Variants in USP6NL observed in about 807,000 individuals in gnomAD.
USP6NL encodes the protein USP6 N-terminal-like protein.
A neutral mutation model predicts 61.9 loss-of-function variants in USP6NL; 26 were observed. That is an observed-to-expected ratio of 0.42 (90% CI 0.31 to 0.58). USP6NL has a LOEUF of 0.58. Ranked by LOEUF, USP6NL falls within the 20% of genes least tolerant of loss-of-function variation. The pLI, the probability that USP6NL is intolerant of heterozygous loss-of-function variation, is 0.16. For missense variants in USP6NL, 1,114 were observed against 1,034.3 expected, an observed-to-expected ratio of 1.08 and a Z score of -1.06; for synonymous variants, 432 against 390.1, an observed-to-expected ratio of 1.11 and a Z score of -1.27.
chr10:11,499,460 C>T lies in USP6NL; in HGVS notation c.384+1641G>A, dbSNP rs1834081054. ...AGGCAAGCTGGGATGAATAGTGTCCCTCCAAAACTCATGTCCACCAAGAAC... is the reference window on the plus strand; with the variant it reads ...AGGCAAGCTGGGATGAATAGTGTCCTTCCAAAACTCATGTCCACCAAGAAC... On this transcript the variant is annotated intron_variant, in intron 7 of 14. Coordinates refer to ENST00000609104, the MANE Select transcript of USP6NL (RefSeq NM_014688.5). This position sits in a 1 kb window ranked among gnomAD's most constrained non-coding sequence, Gnocchi z 4.5. Among the ~76,000 whole-genome samples, 1 of 152,156 alleles carries T rather than the reference C, an allele frequency of 6.6e-6. No individual in the cohort carries two copies. The highest frequency in any genetic ancestry group is 2.4e-5 in the African/African-American group (1 of 41,436).
At chr10:11,479,827 G>A (rs574575331) in intron 14 of USP6NL, among the ~76,000 whole-genome samples, 13 of 152,098 alleles carry the variant, frequency 8.5e-5, no homozygotes, top group South Asian at 8.3e-4. Flanking sequence ...TGCCCTCCTC[G>A]GCCTCCTGAA....
intron 14 of USP6NL, among the ~76,000 whole-genome samples, chr10:11,467,294 G>A (rs567835683): frequency 3.9e-5 from 6 of 152,270 alleles, no homozygotes; most frequent in African/African-American, 1.4e-4. Flanking sequence ...AAAAGAGCAG[G>A]TAAATATATC....
At position 11,532,328 on chromosome 10, in the gene USP6NL, A is replaced by T; in HGVS notation, c.5-4761T>A. 9.9e-7 allele frequency: 1 copy of T among 1,014,594 alleles called. No homozygotes were observed. The highest frequency in any genetic ancestry group is 1.4e-6 in the Non-Finnish European group (1 of 710,044). 62.8% of individuals were successfully genotyped at this position (1,014,594 alleles called of 1,614,324 possible). A position where few individuals can be genotyped will look rare whatever the true frequency, so the allele number is the denominator to read the frequency against. On this transcript the variant is annotated intron_variant, in intron 2 of 14. Transcript: ENST00000609104. This position sits in a 1 kb window ranked among gnomAD's most constrained non-coding sequence, Gnocchi z 4.1. ...GCGGTACCTCACACATTCTGCAACT[A>T]ACTAAAACAAAGAAAGGCAGAGGCA...
At chr10:11,524,787 T>C (rs1186804722) in intron 4 of USP6NL, among the ~76,000 whole-genome samples, 2 of 152,210 alleles carry the variant, frequency 1.3e-5, no homozygotes, top group African/African-American at 2.4e-5. Flanking sequence ...CTCTAGCCTG[T>C]AGGAAACCGA....
At position 11,525,584 on chromosome 10, in the gene USP6NL, T is replaced by G. The variant is rs1229838357; in HGVS notation, c.73-116A>C. The G allele has an allele frequency of 1.1e-6, 1 of 909,764 alleles. No individual in the cohort carries two copies. Among genetic ancestry groups the G allele is most frequent in the Non-Finnish European group, 1.6e-6 (1 of 638,844 alleles). The allele number at this position is 909,764 out of a possible 1,614,324, so 56.4% of individuals were successfully genotyped here. A position where few individuals can be genotyped will look rare whatever the true frequency, so the allele number is the denominator to read the frequency against. Reference sequence around the variant, plus strand: ...TTAATGTATTACTAAAAATAAGAGCTGGAAGTGAGGCATTATGAGCCTTAA... The same window carrying G: ...TTAATGTATTACTAAAAATAAGAGCGGGAAGTGAGGCATTATGAGCCTTAA... On this transcript the variant is annotated intron_variant, in intron 3 of 14. Coordinates refer to ENST00000609104, the MANE Select transcript of USP6NL (RefSeq NM_014688.5). The surrounding 1 kb of genome is among the most constrained non-coding windows in gnomAD (Gnocchi z 5.0).
At chr10:11,549,535 T>C (rs914689265) in intron 2 of USP6NL, among the ~76,000 whole-genome samples, 2 of 152,182 alleles carry the variant, frequency 1.3e-5, no homozygotes, top group Non-Finnish European at 2.9e-5. Context: ...ACCCAAACTC[T>C]TTTTAAATGT....
Position 11,587,272 on chromosome 10 carries a change from T to C in USP6NL, c.4+10359A>G, listed in dbSNP as rs1566201303. 6.6e-6 allele frequency among the ~76,000 whole-genome samples: 1 copy of C among 152,222 alleles called. No homozygotes were observed. ...TTAAAACTTGTTTTAAAATCGAAGA[T>C]TCAAACACCATGACCCCTAAAATAT... On this transcript the variant is annotated intron_variant, in intron 2 of 14. Coordinates refer to ENST00000609104, the MANE Select transcript of USP6NL (RefSeq NM_014688.5). This position sits in a 1 kb window ranked among gnomAD's most constrained non-coding sequence, Gnocchi z 4.5.
At position 11,495,810 on chromosome 10, in the gene USP6NL, C is replaced by T. The variant is rs1399112921; in HGVS notation, c.385-2582G>A. Among the ~76,000 whole-genome samples the T allele has an allele frequency of 2.0e-5, 3 of 152,224 alleles. No homozygotes were observed. The highest frequency in any genetic ancestry group is 4.4e-5 in the Non-Finnish European group (3 of 68,044). On this transcript the variant is annotated intron_variant, in intron 7 of 14. Transcript: ENST00000609104. This position sits in a 1 kb window ranked among gnomAD's most constrained non-coding sequence, Gnocchi z 4.6. Reference sequence around the variant, plus strand: ...ACTTGTCTTTCACGTTAGCTCCCTTCTTCAAATGAACAGCAAAACTTCGTT... The same window carrying T: ...ACTTGTCTTTCACGTTAGCTCCCTTTTTCAAATGAACAGCAAAACTTCGTT...
chr10:11,463,998 C>T lies in USP6NL; in HGVS notation c.1079-149G>A. ...ACTGTCATACAACACACTGTTTATA[C>T]CACTTACACACACTGTTTATACCAC... On this transcript the variant is annotated intron_variant, in intron 14 of 14. Coordinates refer to ENST00000609104, the MANE Select transcript of USP6NL (RefSeq NM_014688.5). The surrounding 1 kb of genome is among the most constrained non-coding windows in gnomAD (Gnocchi z 6.3). The T allele has an allele frequency of 1.2e-6, 1 of 805,022 alleles. No homozygotes were observed. The highest frequency in any genetic ancestry group is 2.1e-5 in the South Asian group (1 of 46,684). 49.9% of individuals were successfully genotyped at this position (805,022 alleles called of 1,614,324 possible). A position where few individuals can be genotyped will look rare whatever the true frequency, so the allele number is the denominator to read the frequency against.
In USP6NL at chr10:11,600,492, A is replaced by C. The variant is rs915748126; in HGVS notation, c.-83-2775T>G. 3.3e-5 allele frequency among the ~76,000 whole-genome samples: 5 copies of C among 152,238 alleles called. No homozygotes were observed. The highest frequency in any genetic ancestry group is 7.3e-5 in the Non-Finnish European group (5 of 68,042). On this transcript the variant is annotated intron_variant, in intron 1 of 14. Transcript: ENST00000609104. The surrounding 1 kb of genome is among the most constrained non-coding windows in gnomAD (Gnocchi z 4.1). ...GAAACGTCTGGTGTTGTGCACTGAAAGTTTGCAGTCGTTACACAGCATTAT... is the reference window on the plus strand; with the variant it reads ...GAAACGTCTGGTGTTGTGCACTGAACGTTTGCAGTCGTTACACAGCATTAT...
chr10:11,503,834 G>C (rs1043829259), intron 6 of USP6NL, among the ~76,000 whole-genome samples: 4 of 152,126 alleles, frequency 2.6e-5, no homozygotes, highest in Non-Finnish European at 1.5e-5. Context: ...GAATCACAAA[G>C]AGGTTAAATA....
chr10:11,512,279 T>C (rs1393700160), intron 5 of USP6NL, among the ~76,000 whole-genome samples: 1 of 152,198 alleles, frequency 6.6e-6, no homozygotes, highest in Non-Finnish European at 1.5e-5. Context: ...GTCCCTGACA[T>C]GAATTAACAG....
At position 11,460,606 on chromosome 10, in the gene USP6NL, GTATA is replaced by G. The variant is rs1037866877; in HGVS notation, c.*1831_*1834del. 7.3e-5 allele frequency: 10 copies of G among 136,640 alleles called. No individual in the cohort carries two copies. Among genetic ancestry groups the G allele is most frequent in the South Asian group, 7.1e-4 (3 of 4,254 alleles). 8.5% of individuals were successfully genotyped at this position (136,640 alleles called of 1,614,324 possible). ...TGACATAAGAAAATAGTGCTTGTGTGTATATATATATTTTTTGCATATATATATA... is the reference window on the plus strand; with the variant it reads ...TGACATAAGAAAATAGTGCTTGTGTGTATATATTTTTTGCATATATATATA... On this transcript the variant is annotated 3_prime_UTR_variant, in exon 15 of 15. Coordinates refer to ENST00000609104, the MANE Select transcript of USP6NL (RefSeq NM_014688.5).
In USP6NL at chr10:11,461,050, GT is replaced by G. The variant is rs1181461461; in HGVS notation, c.*1390del. On this transcript the variant is annotated 3_prime_UTR_variant, in exon 15 of 15. Transcript: ENST00000609104. ...AAAGACATACTTTTGTACCTTGAAA[GT>G]TTAAAGCCCCACCTTGCAACAGGAA... The G allele has an allele frequency of 4.6e-5, 7 of 152,286 alleles. No individual in the cohort carries two copies. Among genetic ancestry groups the G allele is most frequent in the African/African-American group, 1.7e-4 (7 of 41,460 alleles). The allele number at this position is 152,286 out of a possible 1,614,324, so 9.4% of individuals were successfully genotyped here. A position where few individuals can be genotyped will look rare whatever the true frequency, so the allele number is the denominator to read the frequency against.
chr10:11,505,332 AAATT>A (rs1481013534), intron 6 of USP6NL, among the ~76,000 whole-genome samples: 1 of 152,236 alleles, frequency 6.6e-6, no homozygotes, highest in Non-Finnish European at 1.5e-5. Flanking sequence ...ATGTGTTTCT[AAATT>A]AATTCATTCA....
intron 2 of USP6NL, among the ~76,000 whole-genome samples, chr10:11,549,609 CATGAGT>C (rs1441936827): frequency 6.6e-6 from 1 of 152,280 alleles, no homozygotes; most frequent in East Asian, 1.9e-4. Flanking sequence ...TTTTCTTTCT[CATGAGT>C]ATAAGTAGTC....
intron 2 of USP6NL, among the ~76,000 whole-genome samples, chr10:11,541,813 G>A (rs983340806): frequency 6.6e-6 from 1 of 152,026 alleles, no homozygotes; most frequent in Admixed American, 6.6e-5. Flanking sequence ...AACAAGAAAA[G>A]CCACAGACAG....
rs564518739 is a variant in USP6NL at position 11,498,173 on chromosome 10, T to C, written c.384+2928A>G. ...ACTGCTTGAACCTAGGAGGTGGAGGTTGCAGTGAGCCGAGATCACACCACT... is the reference window on the plus strand; with the variant it reads ...ACTGCTTGAACCTAGGAGGTGGAGGCTGCAGTGAGCCGAGATCACACCACT... On this transcript the variant is annotated intron_variant, in intron 7 of 14. Coordinates refer to ENST00000609104, the MANE Select transcript of USP6NL (RefSeq NM_014688.5). Among the ~76,000 whole-genome samples, 363 of 127,282 alleles carry C rather than the reference T, an allele frequency of 2.9e-3. 1 individual carries two copies. The highest frequency in any genetic ancestry group is 9.9e-3 in the African/African-American group (325 of 32,732). The allele number at this position is 127,282 out of a possible 152,430, so 83.5% of individuals were successfully genotyped here. A position where few individuals can be genotyped will look rare whatever the true frequency, so the allele number is the denominator to read the frequency against.
In USP6NL at chr10:11,499,825, G is replaced by A. The variant is rs113094687; in HGVS notation, c.384+1276C>T. On this transcript the variant is annotated intron_variant, in intron 7 of 14. Transcript: ENST00000609104. This position sits in a 1 kb window ranked among gnomAD's most constrained non-coding sequence, Gnocchi z 4.5. Reference sequence around the variant, plus strand: ...AGAGAGAGTTCTGTTGTTTTGAGCCGCTTAGTTTGTGGTACTTGGTTACAG... The same window carrying A: ...AGAGAGAGTTCTGTTGTTTTGAGCCACTTAGTTTGTGGTACTTGGTTACAG... Among the ~76,000 whole-genome samples the A allele has an allele frequency of 3.7e-4, 57 of 152,248 alleles. No homozygotes were observed. Among genetic ancestry groups the A allele is most frequent in the African/African-American group, 1.1e-3 (46 of 41,550 alleles).
Sources: allele counts gnomAD v4.1 joint callset (sites outside exome capture counted in the v4.1 genomes callset), GRCh38; gene constraint gnomAD v4.1.1; non-coding constraint Gnocchi (gnomAD v3.1); transcripts MANE v1.5; gene names NCBI Gene and HGNC (gene_info 2026-07-23, HGNC 2026-07-21).